Variants in OXCT2 observed in about 807,000 individuals in gnomAD.
The protein encoded by OXCT2 is 3-oxoacid CoA-transferase 2.
For synonymous variants in OXCT2, 110 were observed against 298.4 expected, an observed-to-expected ratio of 0.37 and a Z score of 6.51; for missense variants, 317 against 695.7, an observed-to-expected ratio of 0.46 and a Z score of 6.12.
Position 39,771,152 on chromosome 1 carries a change from C to G in OXCT2, c.104G>C (p.Ser35Thr). 1 of 1,556,100 alleles carries G rather than the reference C, an allele frequency of 6.4e-7. No individual in the cohort carries two copies. Among genetic ancestry groups the G allele is most frequent in the Non-Finnish European group, 8.8e-7 (1 of 1,139,844 alleles). Residue 35 changes from serine to threonine, a missense_variant, in exon 1 of 1, where the codon AGT (serine) becomes ACT (threonine). Ser to Thr is a moderately conservative substitution (Grantham distance 58). Coordinates refer to ENST00000327582, the MANE Select transcript of OXCT2 (RefSeq NM_022120.2). Reference sequence around the variant, plus strand: ...GTAGAACTTGGCACGGAGCCGGGGACTGGTGGCAAAGCAGCGGGCGCAGCC... The same window carrying G: ...GTAGAACTTGGCACGGAGCCGGGGAGTGGTGGCAAAGCAGCGGGCGCAGCC... ...SQGCARCFATSPRLRAKFYAD... is the reference protein window; with the variant it reads ...SQGCARCFATTPRLRAKFYAD...
In OXCT2 at chr1:39,770,508, C is replaced by G. The variant is rs1649886482; in HGVS notation, c.748G>C (p.Glu250Gln). The G allele has an allele frequency of 6.2e-7, 1 of 1,610,488 alleles. No homozygotes were observed. The highest frequency in any genetic ancestry group is 8.5e-7 in the Non-Finnish European group (1 of 1,179,230). ...VTAVEVEEIV[E>Q]VGAFPPEDIH... is the part of the protein sequence containing the mutation. ...TCTTCTGGGGGGAAAGCCCCCACCT[C>G]CACGATCTCTTCCACCTCCACCGCC... Residue 250 changes from glutamate (E) to glutamine (Q), a missense_variant, in exon 1 of 1, where the codon GAG becomes CAG. Transcript: ENST00000327582.
Position 39,770,453 on chromosome 1 carries a change from C to T in OXCT2, c.803G>A (p.Arg268His), listed in dbSNP as rs763275934. ...DIHVPNIYVD[R>H]VIKGQKYEKR... ...CTCGTATTTCTGCCCCTTTATCACG[C>T]GATCTACATAAATGTTAGGAACGTG... is the stretch of plus-strand genomic sequence containing the variant. Residue 268 changes from arginine (R) to histidine (H), a missense_variant, in exon 1 of 1, where the codon CGC (arginine) becomes CAC (histidine). Transcript: ENST00000327582. 2.5e-6 allele frequency: 4 copies of T among 1,609,268 alleles called. 1 individual carries two copies. The highest frequency in any genetic ancestry group is 4.6e-5 in the East Asian group (2 of 43,920).
Position 39,770,357 on chromosome 1 carries a change from G to C in OXCT2, c.899C>G (p.Thr300Arg), listed in dbSNP as rs1195637652. 22 of 1,594,262 alleles carry C rather than the reference G, an allele frequency of 1.4e-5. No individual in the cohort carries two copies. Among genetic ancestry groups the C allele is most frequent in the Non-Finnish European group, 1.8e-5 (21 of 1,175,022 alleles). ...GDAGKEEDAR[T>R]RIIRRAALEF... The stretch of plus-strand genomic sequence containing the variant: ...CAGAGCTGCGCGTCTGATGATGCGC[G>C]TCCTGGCGTCCTCTTCCTTTCCAGC... The change falls in exon 1 of 1, where the codon ACG becomes AGG. Residue 300 changes from threonine to arginine, a missense_variant. Transcript: ENST00000327582.
rs1183036276 is a variant in OXCT2, at chr1:39,771,195, C to G, written c.61G>C (p.Gly21Arg). 1.2e-5 allele frequency: 18 copies of G among 1,536,722 alleles called. No individual in the cohort carries two copies. The highest frequency in any genetic ancestry group is 1.5e-5 in the Non-Finnish European group (17 of 1,141,482). The change falls in exon 1 of 1, where the codon GGG (glycine) becomes CGG (arginine). Residue 21 changes from glycine (G) to arginine (R), a missense_variant. Coordinates refer to ENST00000327582, the MANE Select transcript of OXCT2 (RefSeq NM_022120.2). ...LGRGVPAGGS[G>R]LALSQGCARC... is the part of the protein sequence containing the mutation. Reference sequence around the variant, plus strand: ...GCGCAGCCCTGGGACAGCGCGAGCCCTGAGCCGCCGGCGGGGACCCCGCGC... The same window carrying G: ...GCGCAGCCCTGGGACAGCGCGAGCCGTGAGCCGCCGGCGGGGACCCCGCGC...
In OXCT2 at chr1:39,771,281, C is replaced by T. The variant is rs1649960686; in HGVS notation, c.-26G>A. 1 of 1,498,494 alleles carries T rather than the reference C, an allele frequency of 6.7e-7. No individual in the cohort carries two copies. The highest frequency in any genetic ancestry group is 8.9e-7 in the Non-Finnish European group (1 of 1,125,924). 92.8% of individuals were successfully genotyped at this position (1,498,494 alleles called of 1,614,324 possible). On this transcript the variant is annotated 5_prime_UTR_variant, in exon 1 of 1. Transcript: ENST00000327582. ...AGTCGGCCCGGGTCGGAGGCCAGGACAGGTGGTGTGAGCCCTGCGTGCGCC... is the reference window on the plus strand; with the variant it reads ...AGTCGGCCCGGGTCGGAGGCCAGGATAGGTGGTGTGAGCCCTGCGTGCGCC...
In OXCT2 at chr1:39,769,892, A is replaced by G; in HGVS notation, c.1364T>C (p.Met455Thr). 2 of 1,607,336 alleles carry G rather than the reference A, an allele frequency of 1.2e-6. No homozygotes were observed. The highest frequency in any genetic ancestry group is 1.7e-6 in the Non-Finnish European group (2 of 1,177,658). Residue 455 changes from methionine (M) to threonine (T), a missense_variant, in exon 1 of 1, where the codon ATG becomes ACG. Coordinates refer to ENST00000327582, the MANE Select transcript of OXCT2 (RefSeq NM_022120.2). The part of the protein sequence containing the change: ...NTPKIMEKCT[M>T]PLTGKRCVDR... ...CACGCACCGCTTCCCGGTCAGCGGC[A>G]TGGTGCATTTCTCCATGATCTTGGG...
Position 39,770,188 on chromosome 1 carries a change from C to T in OXCT2, c.1068G>A (p.Val356=). ...TGCCTGCATTGATGAGGTCGGCATC[C>T]ACCTCATCTTCCGTGGGAAACGGGC... ...GLGPFPTEDE[V]DADLINAGKQ... Residue 356 remains valine (V), a synonymous_variant, in exon 1 of 1, where the codon GTG becomes GTA. Coordinates refer to ENST00000327582, the MANE Select transcript of OXCT2 (RefSeq NM_022120.2). The T allele has an allele frequency of 7.4e-7, 1 of 1,347,596 alleles. No individual in the cohort carries two copies. Among genetic ancestry groups the T allele is most frequent in the Non-Finnish European group, 9.9e-7 (1 of 1,006,960 alleles). The allele number at this position is 1,347,596 out of a possible 1,614,324, so 83.5% of individuals were successfully genotyped here.
chr1:39,771,264 C>T lies in OXCT2; in HGVS notation c.-9G>A, dbSNP rs940871890. On this transcript the variant is annotated 5_prime_UTR_variant, in exon 1 of 1. Transcript: ENST00000327582. Reference sequence around the variant, plus strand: ...AGCCGCAGCGCCGCCATAGTCGGCCCGGGTCGGAGGCCAGGACAGGTGGTG... The same window carrying T: ...AGCCGCAGCGCCGCCATAGTCGGCCTGGGTCGGAGGCCAGGACAGGTGGTG... 111 of 1,511,610 alleles carry T rather than the reference C, an allele frequency of 7.3e-5. No individual in the cohort carries two copies. The African/African-American group carries it at 1.4e-3, about 20-fold the overall frequency. The allele number at this position is 1,511,610 out of a possible 1,614,324, so 93.6% of individuals were successfully genotyped here.
In OXCT2 at chr1:39,769,830, G is replaced by C. The variant is rs1649826173; in HGVS notation, c.1426C>G (p.His476Asp). 1 of 1,613,332 alleles carries C rather than the reference G, an allele frequency of 6.2e-7. No homozygotes were observed. Among genetic ancestry groups the C allele is most frequent in the East Asian group, 2.2e-5 (1 of 44,798 alleles). ...IITEKAVFDV[H>D]RKKELTLREL... The stretch of plus-strand genomic sequence containing the variant: ...CTCAGCGTCAGCTCTTTCTTCCTGT[G>C]CACGTCAAACACGGCCTTCTCGGTG... The change falls in exon 1 of 1, where the codon CAC (histidine) becomes GAC (aspartate). Residue 476 changes from histidine (H) to aspartate (D), a missense_variant. His to Asp is a moderately conservative substitution (Grantham distance 81, BLOSUM62 -1). Transcript: ENST00000327582.
Position 39,770,884 on chromosome 1 carries a change from GCT to G in OXCT2, c.370_371del (p.Ser124ProfsTer139), listed in dbSNP as rs1263418476. 2.4e-6 allele frequency: 2 copies of G among 816,336 alleles called. No homozygotes were observed. The highest frequency in any genetic ancestry group is 5.4e-5 in the East Asian group (2 of 36,752). 50.6% of individuals were successfully genotyped at this position (816,336 alleles called of 1,614,324 possible). ...SYVGENTLCE[S>X]QYLAGELELE... Reference sequence around the variant, plus strand: ...GCTCCAGCTCTCCTGCCAGGTACTGGCTCTCGCACAGGGTGTTCTCGCCCACG... The same window carrying G: ...GCTCCAGCTCTCCTGCCAGGTACTGGCTCGCACAGGGTGTTCTCGCCCACG... On this transcript the variant is annotated frameshift_variant, in exon 1 of 1. Transcript: ENST00000327582. LOFTEE classifies it low-confidence loss of function (END_TRUNC).
chr1:39,769,812 T>C lies in OXCT2; in HGVS notation c.1444A>G (p.Thr482Ala). The change falls in exon 1 of 1, where the codon ACG becomes GCG. Residue 482 changes from threonine to alanine, a missense_variant. By Grantham distance (58) the Thr-to-Ala change is moderately conservative. Coordinates refer to ENST00000327582, the MANE Select transcript of OXCT2 (RefSeq NM_022120.2). ...VFDVHRKKELTLRELWEGLTV... is the reference protein window; with the variant it reads ...VFDVHRKKELALRELWEGLTV... ...AGGCCCTCCCAGAGCTCCCTCAGCG[T>C]CAGCTCTTTCTTCCTGTGCACGTCA... The C allele has an allele frequency of 6.2e-7, 1 of 1,613,696 alleles. No homozygotes were observed. Among genetic ancestry groups the C allele is most frequent in the Non-Finnish European group, 8.5e-7 (1 of 1,179,848 alleles).
chr1:39,771,015 G>C lies in OXCT2; in HGVS notation c.241C>G (p.Arg81Gly), dbSNP rs1203207366. ...CTGACCACCTGCAGGTCTTTCACGC[G>C]GGTCCTGAGCAGCGCGGCGATCAGG... The part of the protein sequence containing the change: ...ENLIAALLRT[R>G]VKDLQVVSSN... The change falls in exon 1 of 1, where the codon CGC becomes GGC. Residue 81 changes from arginine (R) to glycine (G), a missense_variant. By Grantham distance (125) the Arg-to-Gly change is moderately radical (BLOSUM62 -2). Coordinates refer to ENST00000327582, the MANE Select transcript of OXCT2 (RefSeq NM_022120.2). 6.7e-7 allele frequency: 1 copy of C among 1,485,774 alleles called. No individual in the cohort carries two copies. The highest frequency in any genetic ancestry group is 1.4e-5 in the African/African-American group (1 of 69,606). The allele number at this position is 1,485,774 out of a possible 1,614,324, so 92.0% of individuals were successfully genotyped here.
Position 39,769,934 on chromosome 1 carries a change from C to G in OXCT2, c.1322G>C (p.Cys441Ser), listed in dbSNP as rs1649835659. The G allele has an allele frequency of 6.3e-7, 1 of 1,594,384 alleles. No homozygotes were observed. Among genetic ancestry groups the G allele is most frequent in the African/African-American group, 1.4e-5 (1 of 72,012 alleles). The change falls in exon 1 of 1, where the codon TGC becomes TCC. Residue 441 changes from cysteine to serine, a missense_variant. Physicochemically the swap from Cys to Ser is moderately radical, Grantham distance 112 (BLOSUM62 -1). Transcript: ENST00000327582. ...KTRVVVTMQHCTKDNTPKIME... is the reference protein window; with the variant it reads ...KTRVVVTMQHSTKDNTPKIME... Reference sequence around the variant, plus strand: ...GATCTTGGGGGTGTTGTCCTTTGTGCAGTGCTGCATGGTGACCACCACTCT... The same window carrying G: ...GATCTTGGGGGTGTTGTCCTTTGTGGAGTGCTGCATGGTGACCACCACTCT...
rs767458770 is a variant in OXCT2 at position 39,770,466 on chromosome 1, T to C, written c.790A>G (p.Ile264Val). Residue 264 changes from isoleucine to valine, a missense_variant, in exon 1 of 1, where the codon ATT (isoleucine) becomes GTT (valine). Transcript: ENST00000327582. ...FPPEDIHVPN[I>V]YVDRVIKGQK... ...CCCTTTATCACGCGATCTACATAAA[T>C]GTTAGGAACGTGGATGTCTTCTGGG... 2 of 1,609,952 alleles carry C rather than the reference T, an allele frequency of 1.2e-6. No individual in the cohort carries two copies. The highest frequency in any genetic ancestry group is 2.7e-5 in the African/African-American group (2 of 73,586).
Position 39,771,170 on chromosome 1 carries a change from G to A in OXCT2, c.86C>T (p.Ala29Val). 1 of 1,550,504 alleles carries A rather than the reference G, an allele frequency of 6.4e-7. No individual in the cohort carries two copies. Among genetic ancestry groups the A allele is most frequent in the South Asian group, 1.2e-5 (1 of 84,136 alleles). The part of the protein sequence containing the change: ...GSGLALSQGC[A>V]RCFATSPRLR... ...CCGGGGACTGGTGGCAAAGCAGCGG[G>A]CGCAGCCCTGGGACAGCGCGAGCCC... Residue 29 changes from alanine to valine, a missense_variant, in exon 1 of 1, where the codon GCC becomes GTC. Ala to Val is a moderately conservative substitution (Grantham distance 64). Coordinates refer to ENST00000327582, the MANE Select transcript of OXCT2 (RefSeq NM_022120.2).
rs765531562 is a variant in OXCT2, at chr1:39,769,816, C to T, written c.1440G>A (p.Glu480=). Residue 480 remains glutamate, a synonymous_variant, in exon 1 of 1, where the codon GAG becomes GAA. Coordinates refer to ENST00000327582, the MANE Select transcript of OXCT2 (RefSeq NM_022120.2). ...KAVFDVHRKK[E]LTLRELWEGL... is the part of the protein sequence containing the mutation. ...CCTCCCAGAGCTCCCTCAGCGTCAG[C>T]TCTTTCTTCCTGTGCACGTCAAACA... 3 of 1,613,652 alleles carry T rather than the reference C, an allele frequency of 1.9e-6. No individual in the cohort carries two copies. The highest frequency in any genetic ancestry group is 1.7e-6 in the Non-Finnish European group (2 of 1,179,836).
Position 39,770,344 on chromosome 1 carries a change from T to G in OXCT2, c.912A>C (p.Arg304Ser), listed in dbSNP as rs747554507. The part of the protein sequence containing the change: ...KEEDARTRII[R>S]RAALEFEDGM... ...CGTCCTCAAATTCCAGAGCTGCGCG[T>G]CTGATGATGCGCGTCCTGGCGTCCT... The change falls in exon 1 of 1, where the codon AGA becomes AGC. Residue 304 changes from arginine to serine, a missense_variant. By Grantham distance (110) the Arg-to-Ser change is moderately radical. Coordinates refer to ENST00000327582, the MANE Select transcript of OXCT2 (RefSeq NM_022120.2). The G allele has an allele frequency of 9.4e-6, 15 of 1,591,906 alleles. 1 individual carries two copies. Among genetic ancestry groups the G allele is most frequent in the Non-Finnish European group, 1.2e-5 (14 of 1,174,358 alleles).
chr1:39,770,243 A>C lies in OXCT2; in HGVS notation c.1013T>G (p.Leu338Arg), dbSNP rs1405031125. The change falls in exon 1 of 1, where the codon CTT (leucine) becomes CGT (arginine). Residue 338 changes from leucine (L) to arginine (R), a missense_variant. Physicochemically the swap from Leu to Arg is moderately radical, Grantham distance 102 (BLOSUM62 -2). Transcript: ENST00000327582. The part of the protein sequence containing the change: ...NFISPSMTVH[L>R]HSENGILGLG... ...GCCCAGGATCCCGTTCTCACTGTGA[A>C]GATGGACAGTCATGCTGGGACTGAT... is the stretch of plus-strand genomic sequence containing the variant. 5 of 1,517,590 alleles carry C rather than the reference A, an allele frequency of 3.3e-6. No homozygotes were observed. The Admixed American group carries it at 9.1e-5, about 28-fold the overall frequency. 94.0% of individuals were successfully genotyped at this position (1,517,590 alleles called of 1,614,324 possible). A position where few individuals can be genotyped will look rare whatever the true frequency, so the allele number is the denominator to read the frequency against.
chr1:39,770,633 G>T lies in OXCT2; in HGVS notation c.623C>A (p.Ala208Asp). Reference protein sequence around the residue: ...LLERAIRADFALVKGWKADRA... With the variant: ...LLERAIRADFDLVKGWKADRA... Reference sequence around the variant, plus strand: ...GTCGGCCTTCCACCCTTTCACCAGGGCGAAGTCTGCCCGGATGGCGCGCTC... The same window carrying T: ...GTCGGCCTTCCACCCTTTCACCAGGTCGAAGTCTGCCCGGATGGCGCGCTC... Residue 208 changes from alanine (A) to aspartate (D), a missense_variant, in exon 1 of 1, where the codon GCC becomes GAC. Physicochemically the swap from Ala to Asp is moderately radical, Grantham distance 126. Transcript: ENST00000327582. 1 of 1,556,394 alleles carries T rather than the reference G, an allele frequency of 6.4e-7. No homozygotes were observed. Among genetic ancestry groups the T allele is most frequent in the Non-Finnish European group, 8.7e-7 (1 of 1,149,020 alleles).
Sources: gnomAD v4.1 joint callset for allele counts on GRCh38, gnomAD v4.1.1 for gene constraint, MANE v1.5 for transcripts, NCBI Gene and HGNC (gene_info 2026-07-23, HGNC 2026-07-21) for gene names.